Variants in KAZN observed in about 807,000 individuals in gnomAD.
The protein encoded by KAZN is kazrin.
KAZN carries 40 observed loss-of-function variants against 87.4 expected under a neutral mutation model. The observed-to-expected ratio is 0.46, with a 90% CI of 0.36 to 0.60. KAZN has a LOEUF of 0.60. KAZN is among the 20% of genes least tolerant of loss of function. The pLI is 0.00. For missense variants in KAZN, 898 were observed against 1,073.9 expected, an observed-to-expected ratio of 0.84 and a Z score of 2.29; for synonymous variants, 466 against 458.3, an observed-to-expected ratio of 1.02 and a Z score of -0.22.
intron 13 of KAZN, among the ~76,000 whole-genome samples, chr1:15,110,219 GTGTT>G (rs141548255): frequency 0.15 from 22,999 of 150,948 alleles, 2,011 homozygotes; most frequent in Non-Finnish European, 0.2. Context: ...GTGTTTGTGT[GTGTT>G]TGTGTATGTG....
At chr1:14,016,061 G>A (rs976583246) in intron 1 of KAZN, among the ~76,000 whole-genome samples, 1 of 152,112 alleles carries the variant, frequency 6.6e-6, no homozygotes, top group Non-Finnish European at 1.5e-5. Context: ...AGAATGCAAT[G>A]GTTCTGAGCC....
rs58491688 is a variant in KAZN, at chr1:14,373,198, A to AATATAT, written c.249+192629_249+192634dup. Among the ~76,000 whole-genome samples the AATATAT allele has an allele frequency of 1.8e-3, 274 of 149,242 alleles. 1 individual carries two copies. The highest frequency in any genetic ancestry group is 0.014 in the East Asian group (67 of 4,876). ...TTGTTAGGGTTCTCCTGAAAAACTGAATATATATATATATATATATATATA... is the reference window on the plus strand; with the variant it reads ...TTGTTAGGGTTCTCCTGAAAAACTGAATATATATATATATATATATATATATATATA... On this transcript the variant is annotated intron_variant, in intron 2 of 16. Coordinates refer to the KAZN transcript ENST00000636203.
intron 1 of KAZN, among the ~76,000 whole-genome samples, chr1:13,995,692 C>T (rs1439058863): frequency 6.6e-6 from 1 of 152,224 alleles, no homozygotes; most frequent in East Asian, 1.9e-4. Context: ...CCTAGCCTCT[C>T]AGCCTACATC....
chr1:14,838,506 C>T (rs1465514733), intron 1 of KAZN, among the ~76,000 whole-genome samples: 1 of 152,164 alleles, frequency 6.6e-6, no homozygotes, highest in Non-Finnish European at 1.5e-5. Context: ...CTCTTGCTAA[C>T]TTTATCTCCT....
intron 2 of KAZN, among the ~76,000 whole-genome samples, chr1:14,224,749 G>A (rs529504205): frequency 3.3e-5 from 5 of 152,162 alleles, no homozygotes; most frequent in Non-Finnish European, 7.4e-5. Context: ...AGGTCTCAGG[G>A]AAAAAATGCC....
At chr1:14,651,966 G>A (rs1638409854) in intron 1 of KAZN, among the ~76,000 whole-genome samples, 1 of 152,188 alleles carries the variant, frequency 6.6e-6, no homozygotes, top group Admixed American at 6.5e-5. Context: ...GAAAATCATT[G>A]AGCAGTTTGT....
chr1:14,359,988 G>C (rs1659370597), intron 2 of KAZN, among the ~76,000 whole-genome samples: 1 of 152,184 alleles, frequency 6.6e-6, no homozygotes, highest in African/African-American at 2.4e-5. Flanking sequence ...GGCCTGTCTT[G>C]CTAGGTTGGG....
chr1:13,934,510 T>G (rs1640647433), intron 1 of KAZN, among the ~76,000 whole-genome samples: 2 of 152,180 alleles, frequency 1.3e-5, no homozygotes, highest in Admixed American at 6.5e-5. Context: ...CTAGAAAATC[T>G]CCTTCACTGA....
chr1:13,953,361 G>A (rs1172841045), intron 1 of KAZN, among the ~76,000 whole-genome samples: 1 of 152,140 alleles, frequency 6.6e-6, no homozygotes, highest in Non-Finnish European at 1.5e-5. Context: ...GCCTGACTAC[G>A]GGAGAGAGGC....
chr1:14,966,437 ATTG>A (rs770247227), intron 2 of KAZN, among the ~76,000 whole-genome samples: 13 of 152,112 alleles, frequency 8.5e-5, no homozygotes, highest in Non-Finnish European at 1.8e-4. Context: ...GTCTAGTGTG[ATTG>A]TTGTTTTGGT....
intron 2 of KAZN, among the ~76,000 whole-genome samples, chr1:14,437,527 G>A (rs965420244): frequency 3.3e-5 from 5 of 152,194 alleles, no homozygotes; most frequent in African/African-American, 1.2e-4. Flanking sequence ...ACAATGCATT[G>A]TAAAAATGCT....
In KAZN at chr1:14,482,910, A is replaced by G. The variant is rs543083751; in HGVS notation, c.250-116073A>G. 5.9e-5 allele frequency among the ~76,000 whole-genome samples: 9 copies of G among 152,316 alleles called. No individual in the cohort carries two copies. In the East Asian group the frequency reaches 9.7e-4, roughly 16 times the overall value. On this transcript the variant is annotated intron_variant, in intron 2 of 16. Coordinates refer to the KAZN transcript ENST00000636203. ...ACTTACATTACTTACTAGCTGGGCA[A>G]GTATCCTTAGGTAAGTTACATAACC...
rs182704780 is a variant in KAZN at position 14,293,032 on chromosome 1, T to G, written c.249+112440T>G. Among the ~76,000 whole-genome samples the G allele has an allele frequency of 2.0e-4, 31 of 152,268 alleles. No individual in the cohort carries two copies. In the East Asian group the frequency reaches 4.5e-3, roughly 22 times the overall value. On this transcript the variant is annotated intron_variant, in intron 2 of 16. Coordinates refer to the KAZN transcript ENST00000636203. ...GAGGTGAAGACTGAACTAACATGCA[T>G]GAGGACCAAGTGTGAGCCAGGCCCT...
intron 13 of KAZN, among the ~76,000 whole-genome samples, chr1:15,106,356 C>T (rs1641295690): frequency 6.6e-6 from 1 of 152,182 alleles, no homozygotes; most frequent in South Asian, 2.1e-4. Flanking sequence ...GCCTTTTCTC[C>T]TCAGAATTAT....
intron 1 of KAZN, among the ~76,000 whole-genome samples, chr1:14,136,902 G>A (rs545678012): frequency 1.3e-5 from 2 of 152,276 alleles, no homozygotes; most frequent in South Asian, 4.1e-4. Context: ...CAAGCTTTCA[G>A]TGGGGCTGGG....
At chr1:14,840,811 A>G (rs911924858) in intron 1 of KAZN, among the ~76,000 whole-genome samples, 14 of 152,340 alleles carry the variant, frequency 9.2e-5, no homozygotes, top group African/African-American at 3.1e-4. Context: ...TAATTTATTC[A>G]TATCTATTGA....
At chr1:14,844,969 A>G (rs1481328147) in intron 1 of KAZN, among the ~76,000 whole-genome samples, 1 of 151,808 alleles carries the variant, frequency 6.6e-6, no homozygotes, top group Non-Finnish European at 1.5e-5. Context: ...GGATGGATGG[A>G]TGGGTAGATG....
Position 14,111,896 on chromosome 1 carries a change from C to A in KAZN, c.92-68539C>A, listed in dbSNP as rs186591306. Among the ~76,000 whole-genome samples the A allele has an allele frequency of 5.9e-3, 904 of 152,156 alleles. 8 individuals carry two copies. The highest frequency in any genetic ancestry group is 0.018 in the South Asian group (88 of 4,820). ...CTGGGACTACAGCTGCGCACCACCA[C>A]GCCCGGCTAATTTTTGTATTTTTAG... On this transcript the variant is annotated intron_variant, in intron 1 of 16. Coordinates refer to the KAZN transcript ENST00000636203.
intron 1 of KAZN, among the ~76,000 whole-genome samples, chr1:14,055,065 T>C (rs950718196): frequency 3.3e-5 from 5 of 152,172 alleles, no homozygotes; most frequent in Admixed American, 6.5e-5. Flanking sequence ...CTTCCAGTTG[T>C]GATAACCAAA....
Sources: allele counts gnomAD v4.1 joint callset (sites outside exome capture counted in the v4.1 genomes callset), GRCh38; gene constraint gnomAD v4.1.1; transcripts MANE v1.5; gene names NCBI Gene and HGNC (gene_info 2026-07-23, HGNC 2026-07-21).